CLEC19A: variants seen among roughly 807,000 people sequenced by gnomAD.
CLEC19A encodes the protein C-type lectin domain containing 19A.
Under a neutral mutation model 26.1 loss-of-function variants are expected in CLEC19A, and 21 were observed. The ratio of observed to expected loss-of-function variants is 0.80; its 90% CI spans 0.57 to 1.16. The LOEUF (loss-of-function observed/expected upper bound fraction) is 1.16, where lower values mean the gene tolerates loss of function less well. CLEC19A is among the 50% of genes most tolerant of loss of function. CLEC19A has a pLI of 0.00. For missense variants in CLEC19A, 224 were observed against 227.6 expected (o/e 0.98, Z 0.10); for synonymous variants, 89 against 88.6 (o/e 1.00, Z -0.03).
At position 19,285,767 on chromosome 16, in the gene CLEC19A, T is replaced by C; in HGVS notation, c.-85T>C. The stretch of plus-strand genomic sequence containing the variant: ...GCTCCTGCCAGGCTCCATCTGACCC[T>C]AGGAGAGCAATCCTGGACCCAAGCT... On this transcript the variant is annotated 5_prime_UTR_variant, in exon 1 of 5. Transcript: ENST00000636231. 1 of 1,204,918 alleles carries C rather than the reference T, an allele frequency of 8.3e-7. No homozygotes were observed. Among genetic ancestry groups the C allele is most frequent in the Non-Finnish European group, 1.2e-6 (1 of 837,422 alleles). 74.6% of individuals were successfully genotyped at this position (1,204,918 alleles called of 1,614,324 possible).
intron 3 of CLEC19A, among the ~76,000 whole-genome samples, chr16:19,304,575 C>T (rs531682735): frequency 1.3e-5 from 2 of 151,864 alleles, no homozygotes; most frequent in Non-Finnish European, 2.9e-5. Context: ...GTTGTGGGCT[C>T]CTGTAATCCT....
intron 3 of CLEC19A, 123 bp from the exon 4 acceptor site, chr16:19,307,422 A>G (rs1456322158): frequency 3.8e-6 from 4 of 1,043,272 alleles, no homozygotes; most frequent in Non-Finnish European, 5.5e-6. Flanking sequence ...GCCTCAATGA[A>G]GACATCTGTG....
intron 2 of CLEC19A, among the ~76,000 whole-genome samples, chr16:19,302,790 T>A (rs1897863847): frequency 1.3e-5 from 2 of 152,178 alleles, no homozygotes; most frequent in Admixed American, 1.3e-4. Flanking sequence ...GATGAGCAGT[T>A]GTTTTGGCTT....
chr16:19,309,033 A>C lies in CLEC19A; in HGVS notation c.511A>C (p.Ser171Arg), dbSNP rs557156730. The change falls in exon 5 of 5, where the codon AGC becomes CGC. Residue 171 changes from serine (S) to arginine (R), a missense_variant. By Grantham distance (110) the Ser-to-Arg change is moderately radical. Transcript: ENST00000636231. The part of the protein sequence containing the change: ...ALRSWNDNTC[S>R]RKFPFVCKIP... The stretch of plus-strand genomic sequence containing the variant: ...GAGGTCATGGAATGATAACACCTGC[A>C]GCCGGAAGTTCCCCTTTGTCTGCAA... The C allele has an allele frequency of 1.3e-6, 2 of 1,548,370 alleles. No homozygotes were observed. Among genetic ancestry groups the C allele is most frequent in the South Asian group, 2.4e-5 (2 of 83,970 alleles).
At chr16:19,291,202 G>A (rs541201301) in intron 1 of CLEC19A, among the ~76,000 whole-genome samples, 4 of 152,252 alleles carry the variant, frequency 2.6e-5, no homozygotes, top group Admixed American at 6.5e-5. Flanking sequence ...GTCAGAAGGC[G>A]CATCTGTGTA....
intron 1 of CLEC19A, among the ~76,000 whole-genome samples, chr16:19,290,240 C>T (rs1294268903): frequency 6.6e-6 from 1 of 152,072 alleles, no homozygotes; most frequent in African/African-American, 2.4e-5. Flanking sequence ...CCTTGGGGGC[C>T]TCTGATGTTG....
intron 4 of CLEC19A, 90 bp downstream of exon 4, chr16:19,307,767 G>A (rs1897988256): frequency 1.3e-6 from 2 of 1,491,730 alleles, no homozygotes; most frequent in Non-Finnish European, 1.8e-6. Context: ...GGGAAGAGGA[G>A]CACCTGATGG....
Position 19,309,914 on chromosome 16 carries a change from G to C in CLEC19A, c.*831G>C, listed in dbSNP as rs971504503. 4 of 152,054 alleles carry C rather than the reference G, an allele frequency of 2.6e-5. No individual in the cohort carries two copies. 9.4% of individuals were successfully genotyped at this position (152,054 alleles called of 1,614,324 possible). On this transcript the variant is annotated 3_prime_UTR_variant, in exon 5 of 5. Coordinates refer to ENST00000636231, the MANE Select transcript of CLEC19A (RefSeq NM_001256720.2). The stretch of plus-strand genomic sequence containing the variant: ...CCACCTCAGCCTCCCAAAGTACTGG[G>C]ATTACAGGCATGAGCCACTGCGCCT...
intron 1 of CLEC19A, among the ~76,000 whole-genome samples, chr16:19,295,175 T>G (rs1897680016): frequency 6.6e-6 from 1 of 151,870 alleles, no homozygotes; most frequent in African/African-American, 2.4e-5. Flanking sequence ...ACTGTAGGAG[T>G]GCCCAGGATG....
At chr16:19,288,526 C>T (rs185730775) in intron 1 of CLEC19A, among the ~76,000 whole-genome samples, 302 of 152,180 alleles carry the variant, frequency 2.0e-3, no homozygotes, top group African/African-American at 6.6e-3. Context: ...TGCAAATATA[C>T]GCAAATAGCA....
At chr16:19,289,969 A>T (rs1428907451) in intron 1 of CLEC19A, among the ~76,000 whole-genome samples, 4 of 152,150 alleles carry the variant, frequency 2.6e-5, no homozygotes, top group Non-Finnish European at 4.4e-5. Flanking sequence ...CTGGGTGGAC[A>T]AATGTGGCCC....
intron 3 of CLEC19A, chr16:19,304,387 G>T: frequency 6.4e-6 from 2 of 314,116 alleles, no homozygotes; most frequent in South Asian, 5.2e-5. Context: ...TGTTTGGCTT[G>T]GGTTCTCTTA....
intron 4 of CLEC19A, 95 bp from the exon 5 acceptor site, chr16:19,308,909 T>A: frequency 1.1e-6 from 1 of 922,784 alleles, no homozygotes; most frequent in Non-Finnish European, 1.7e-6. Context: ...ACACAAGGCC[T>A]ATTGGAGATG....
At chr16:19,298,879 C>A (rs768751481) in intron 2 of CLEC19A, 41 bp downstream of exon 2, 2 of 1,505,398 alleles carry the variant, frequency 1.3e-6, no homozygotes, top group Non-Finnish European at 1.8e-6. Context: ...AACTAAGCAC[C>A]CCCTTGGGAA....
At chr16:19,298,872 TA>T in intron 2 of CLEC19A, 34 bp downstream of exon 2, 1 of 1,524,642 alleles carries the variant, frequency 6.6e-7, no homozygotes, top group Non-Finnish European at 8.8e-7. Context: ...ATAGTTCAAC[TA>T]AGCACCCCCT....
intron 4 of CLEC19A, among the ~76,000 whole-genome samples, 153 bp downstream of exon 4, chr16:19,307,830 G>A (rs990003880): frequency 1.3e-5 from 2 of 152,190 alleles, no homozygotes; most frequent in African/African-American, 4.8e-5. Flanking sequence ...GGTCACTAGG[G>A]TGTCGGGGGC....
At chr16:19,308,103 T>G (rs1897995197) in intron 4 of CLEC19A, among the ~76,000 whole-genome samples, 1 of 152,204 alleles carries the variant, frequency 6.6e-6, no homozygotes, top group African/African-American at 2.4e-5. Context: ...AGTATAGACT[T>G]GAATTCAAAT....
chr16:19,287,566 A>G (rs939185676), intron 1 of CLEC19A, among the ~76,000 whole-genome samples: 1 of 152,228 alleles, frequency 6.6e-6, no homozygotes, highest in African/African-American at 2.4e-5. Context: ...AAAGAAGTTG[A>G]ACAAAATATC....
Position 19,308,985 on chromosome 16 carries a change from C to T in CLEC19A, c.482-19C>T. 1 of 1,545,980 alleles carries T rather than the reference C, an allele frequency of 6.5e-7. No homozygotes were observed. Among genetic ancestry groups the T allele is most frequent in the South Asian group, 1.2e-5 (1 of 83,900 alleles). Reference sequence around the variant, plus strand: ...GCGGATGGATTTTCACCCAGATTCTCTGCTTCTTTCCATCACAGCTCTGAG... The same window carrying T: ...GCGGATGGATTTTCACCCAGATTCTTTGCTTCTTTCCATCACAGCTCTGAG... On this transcript the variant is annotated intron_variant, in intron 4 of 4. Coordinates refer to ENST00000636231, the MANE Select transcript of CLEC19A (RefSeq NM_001256720.2).
Sources: gnomAD v4.1 joint callset for allele counts (sites outside exome capture counted in the v4.1 genomes callset) on GRCh38, gnomAD v4.1.1 for gene constraint, MANE v1.5 for transcripts, NCBI Gene and HGNC (gene_info 2026-07-23, HGNC 2026-07-21) for gene names.